HESX1: variants seen among roughly 807,000 people sequenced by gnomAD.
The protein encoded by HESX1 is homeobox expressed in ES cells 1.
HESX1 carries 11 observed loss-of-function variants against 22.5 expected under a neutral mutation model. That is an observed-to-expected ratio of 0.49 (90% CI 0.31 to 0.81). The LOEUF (loss-of-function observed/expected upper bound fraction) is 0.81. Among genes scored for constraint, HESX1 ranks in the 30% least tolerant of loss-of-function variants. The probability of loss-of-function intolerance (pLI) is 0.05; values close to 1 mark genes in which losing one functional copy is unlikely to be tolerated. For synonymous variants in HESX1, 74 were observed against 76.5 expected (o/e 0.97, Z 0.17); for missense variants, 201 against 212.6 (o/e 0.95, Z 0.34).
chr3:57,199,445 C>A (rs1288361508), intron 1 of HESX1, among the ~76,000 whole-genome samples: 1 of 151,724 alleles, frequency 6.6e-6, no homozygotes, highest in Non-Finnish European at 1.5e-5. Context: ...AGGGTGAAAC[C>A]CCCCTCTACT....
At chr3:57,225,536 G>T (rs1405545308) in intron 1 of HESX1, among the ~76,000 whole-genome samples, 3 of 151,964 alleles carry the variant, frequency 2.0e-5, no homozygotes, top group African/African-American at 7.3e-5. Flanking sequence ...TAGAGACGGG[G>T]TTTCACCAGT....
At chr3:57,200,011 G>T, upstream of HESX1, 1 of 1,089,794 alleles carries the variant, frequency 9.2e-7, no homozygotes, top group Non-Finnish European at 1.4e-6. Context: ...TCACCTTATA[G>T]CTCCGCTGAC....
chr3:57,206,412 G>A (rs911732765), intron 1 of HESX1, among the ~76,000 whole-genome samples: 1 of 152,174 alleles, frequency 6.6e-6, no homozygotes, highest in Non-Finnish European at 1.5e-5. Flanking sequence ...AAGAGTGAAT[G>A]GGACATTTTT....
intron 1 of HESX1, among the ~76,000 whole-genome samples, chr3:57,215,437 A>G (rs1156777196): frequency 6.6e-6 from 1 of 152,172 alleles, no homozygotes; most frequent in Non-Finnish European, 1.5e-5. Flanking sequence ...CTTCTTTTCT[A>G]TAGCCAAGAC....
chr3:57,225,915 C>G (rs1312180556), intron 1 of HESX1, among the ~76,000 whole-genome samples: 2 of 134,256 alleles, frequency 1.5e-5, no homozygotes, highest in African/African-American at 2.8e-5. Context: ...TAGTCTTGCT[C>G]TGTCGCCCAG....
intron 1 of HESX1, among the ~76,000 whole-genome samples, chr3:57,208,440 G>A (rs1399944255): frequency 2.0e-5 from 3 of 151,844 alleles, no homozygotes; most frequent in East Asian, 1.9e-4. Context: ...TCTGCCTCCC[G>A]GGTTCAAGCG....
intron 1 of HESX1, among the ~76,000 whole-genome samples, chr3:57,215,566 C>A (rs2060578499): frequency 6.6e-6 from 1 of 151,732 alleles, no homozygotes; most frequent in Non-Finnish European, 1.5e-5. Context: ...GTCAGCAGTT[C>A]GACCAGCCTG....
intron 1 of HESX1, among the ~76,000 whole-genome samples, chr3:57,210,997 T>C (rs1471582925): frequency 7.2e-5 from 11 of 151,992 alleles, no homozygotes; most frequent in Admixed American, 6.6e-4. Flanking sequence ...GGCGGGCGGA[T>C]TGCCTGAGGT....
chr3:57,227,294 G>T (rs1259490690), upstream of HESX1, among the ~76,000 whole-genome samples: 1 of 152,230 alleles, frequency 6.6e-6, no homozygotes, highest in Admixed American at 6.5e-5. Flanking sequence ...TCAGACATCT[G>T]AGTTAGTCAG....
chr3:57,200,365 C>T (rs1181379422), upstream of HESX1, among the ~76,000 whole-genome samples: 2 of 151,940 alleles, frequency 1.3e-5, no homozygotes, highest in Admixed American at 6.6e-5. Flanking sequence ...CGAGAGCAGT[C>T]GAGTAATAAA....
chr3:57,225,413 G>A lies in HESX1; in HGVS notation c.-111+883C>T, dbSNP rs538611334. Among the ~76,000 whole-genome samples the A allele has an allele frequency of 3.6e-4, 54 of 151,516 alleles. No individual in the cohort carries two copies. The South Asian group carries it at 4.0e-3, about 11-fold the overall frequency. ...GTCGCCCAGGCTGGAGTGCAGTTTC[G>A]GCTCACTGCAACCTCCACCTCCCGG... On this transcript the variant is annotated intron_variant, in intron 1 of 2. Coordinates refer to the HESX1 transcript ENST00000495160.
At position 57,198,795 on chromosome 3, in the gene HESX1, C is replaced by G; in HGVS notation, c.315G>C (p.Trp105Cys). 2 of 1,614,114 alleles carry G rather than the reference C, an allele frequency of 1.2e-6. No homozygotes were observed. The highest frequency in any genetic ancestry group is 1.7e-6 in the Non-Finnish European group (2 of 1,180,004). ...ERLSLKRELS[W>C]YRGRRPRTAF... ...CAGTTCTTGGTCTTCGGCCTCTATACCAACTCAACTCTCTTTTCAAAGACA... is the reference window on the plus strand; with the variant it reads ...CAGTTCTTGGTCTTCGGCCTCTATAGCAACTCAACTCTCTTTTCAAAGACA... The change falls in exon 2 of 4, where the codon TGG becomes TGC. Residue 105 changes from tryptophan to cysteine, a missense_variant. By Grantham distance (215) the Trp-to-Cys change is radical. Transcript: ENST00000295934.
At chr3:57,205,598 C>T (rs1189858445) in intron 1 of HESX1, among the ~76,000 whole-genome samples, 1 of 152,204 alleles carries the variant, frequency 6.6e-6, no homozygotes, top group Non-Finnish European at 1.5e-5. Context: ...TCCCTCAAGG[C>T]ATTTACACTG....
upstream of HESX1, among the ~76,000 whole-genome samples, chr3:57,201,927 C>CTATA (rs1553632879): frequency 3.0e-4 from 39 of 128,834 alleles, 1 homozygote; most frequent in African/African-American, 1.2e-3. Flanking sequence ...ATCTATCTAT[C>CTATA]TATTTTTTTG....
upstream of HESX1, chr3:57,200,165 G>A (rs2060477187): frequency 4.0e-6 from 2 of 503,232 alleles, no homozygotes; most frequent in Non-Finnish European, 7.2e-6. Flanking sequence ...GCTACACCAG[G>A]GGGGCCACCT....
At chr3:57,224,332 G>A (rs919353918) in intron 1 of HESX1, among the ~76,000 whole-genome samples, 2 of 151,958 alleles carry the variant, frequency 1.3e-5, no homozygotes, top group Admixed American at 6.6e-5. Flanking sequence ...TAGAGATGGT[G>A]TCTCTGTGTT....
chr3:57,210,164 G>T (rs995858063), intron 1 of HESX1, among the ~76,000 whole-genome samples: 2 of 152,100 alleles, frequency 1.3e-5, no homozygotes, highest in Admixed American at 6.6e-5. Context: ...CAATTACTTT[G>T]ATATGAGAAA....
chr3:57,204,232 T>C (rs796809304), upstream of HESX1, among the ~76,000 whole-genome samples: 9 of 152,320 alleles, frequency 5.9e-5, no homozygotes, highest in African/African-American at 2.2e-4. Flanking sequence ...TTGTCCAGGC[T>C]GATCTTGAAC....
At chr3:57,224,684 A>C (rs1432096086) in intron 1 of HESX1, among the ~76,000 whole-genome samples, 2 of 152,176 alleles carry the variant, frequency 1.3e-5, no homozygotes, top group South Asian at 2.1e-4. Flanking sequence ...CACTGACCTA[A>C]AGGGATAATT....
Sources: allele counts gnomAD v4.1 joint callset (sites outside exome capture counted in the v4.1 genomes callset), GRCh38; gene constraint gnomAD v4.1.1; transcripts MANE v1.5; gene names NCBI Gene and HGNC (gene_info 2026-07-23, HGNC 2026-07-21).